IL1RAPL2: variants seen among roughly 807,000 people sequenced by gnomAD.
IL1RAPL2 encodes the protein interleukin 1 receptor accessory protein like 2.
Under a neutral mutation model 44.1 loss-of-function variants are expected in IL1RAPL2, and 3 were observed. That is an observed-to-expected ratio of 0.07 (90% CI 0.03 to 0.18). IL1RAPL2 has a LOEUF of 0.18. Ranked by LOEUF, IL1RAPL2 falls within the 10% of genes least tolerant of loss-of-function variation. The pLI is 1.00. For missense variants in IL1RAPL2, 391 were observed against 496.4 expected, an observed-to-expected ratio of 0.79 and a Z score of 2.02; for synonymous variants, 181 against 178.8, an observed-to-expected ratio of 1.01 and a Z score of -0.10.
At chrX:105,467,905 A>G (rs946844212) in intron 5 of IL1RAPL2, among the ~76,000 whole-genome samples, 1 of 111,583 alleles carries the variant, frequency 9.0e-6, no homozygotes, top group African/African-American at 3.3e-5. Context: ...AAAAACACAG[A>G]TTTCTACTCT....
rs2037829541 is a variant in IL1RAPL2, at chrX:105,672,124, A to G, written c.773-45243A>G. Reference sequence around the variant, plus strand: ...TATTATGACTGTTTAAATAATTGCCACATAATTTTAACATGTCTGTCATCT... The same window carrying G: ...TATTATGACTGTTTAAATAATTGCCGCATAATTTTAACATGTCTGTCATCT... On this transcript the variant is annotated intron_variant, in intron 6 of 10. Coordinates refer to ENST00000372582, the MANE Select transcript of IL1RAPL2 (RefSeq NM_017416.2). Among the ~76,000 whole-genome samples the G allele has an allele frequency of 2.7e-5, 3 of 111,474 alleles. No homozygotes were observed. In the South Asian group the frequency reaches 1.1e-3, roughly 42 times the overall value.
chrX:104,667,477 C>T (rs1420938424), intron 2 of IL1RAPL2, among the ~76,000 whole-genome samples: 1 of 111,262 alleles, frequency 9.0e-6, no homozygotes, highest in African/African-American at 3.3e-5. Flanking sequence ...ACATTGTCTC[C>T]TAATACAAAG....
intron 3 of IL1RAPL2, chrX:105,219,127 T>C: frequency 8.3e-7 from 1 of 1,211,250 alleles, no homozygotes; most frequent in Non-Finnish European, 1.1e-6. Flanking sequence ...TCTTGGGTGC[T>C]CCTGATGGTC....
chrX:105,102,016 T>C (rs1481611858), intron 2 of IL1RAPL2, among the ~76,000 whole-genome samples: 2 of 111,998 alleles, frequency 1.8e-5, no homozygotes, highest in Middle Eastern at 4.6e-3. Flanking sequence ...AAAAATTAAA[T>C]ATTTTAAAAT....
chrX:105,088,324 A>C (rs2147553038), intron 2 of IL1RAPL2, among the ~76,000 whole-genome samples: 1 of 111,986 alleles, frequency 8.9e-6, no homozygotes, highest in East Asian at 2.8e-4. Flanking sequence ...TCACTATAAT[A>C]ATGGAGTGGA....
intron 1 of IL1RAPL2, among the ~76,000 whole-genome samples, chrX:104,650,816 A>G (rs1404036420): frequency 8.9e-6 from 1 of 111,748 alleles, no homozygotes; most frequent in Non-Finnish European, 1.9e-5. Flanking sequence ...TGACTCCCAT[A>G]GCATCTAACT....
chrX:104,813,295 C>T (rs760790869), intron 2 of IL1RAPL2, among the ~76,000 whole-genome samples: 36 of 111,031 alleles, frequency 3.2e-4, no homozygotes, highest in Middle Eastern at 4.7e-3. Context: ...AGGGAAAGAG[C>T]AAGGAATGCC....
intron 2 of IL1RAPL2, among the ~76,000 whole-genome samples, chrX:104,934,436 A>C (rs988182580): frequency 3.6e-5 from 4 of 111,485 alleles, no homozygotes; most frequent in African/African-American, 1.3e-4. Context: ...ACCACAGATG[A>C]TTATTATCAG....
At chrX:104,810,469 A>G (rs1201496437) in intron 2 of IL1RAPL2, among the ~76,000 whole-genome samples, 1 of 111,471 alleles carries the variant, frequency 9.0e-6, no homozygotes, top group Non-Finnish European at 1.9e-5. Context: ...ATTATTTTTG[A>G]GATGAGCATT....
At chrX:104,632,428 T>C (rs1464968681) in intron 1 of IL1RAPL2, among the ~76,000 whole-genome samples, 2 of 111,774 alleles carry the variant, frequency 1.8e-5, no homozygotes, top group Non-Finnish European at 3.8e-5. Flanking sequence ...TAAATTACCT[T>C]GGACAGTGTG....
At chrX:105,330,036 C>T (rs2034973903) in intron 5 of IL1RAPL2, among the ~76,000 whole-genome samples, 1 of 111,317 alleles carries the variant, frequency 9.0e-6, no homozygotes, top group Non-Finnish European at 1.9e-5. Flanking sequence ...GCAGCATTGG[C>T]ATCTCCTGAG....
chrX:104,761,223 A>G (rs1932421706), intron 2 of IL1RAPL2, among the ~76,000 whole-genome samples: 1 of 111,467 alleles, frequency 9.0e-6, no homozygotes, highest in Admixed American at 9.5e-5. Context: ...AGGCCTCAGG[A>G]AACTTACAGT....
intron 2 of IL1RAPL2, among the ~76,000 whole-genome samples, chrX:104,992,432 A>G (rs188731339): frequency 7.2e-5 from 8 of 111,402 alleles, no homozygotes; most frequent in African/African-American, 2.3e-4. Flanking sequence ...TCTCTTCAGA[A>G]TTTTTTAGAA....
intron 9 of IL1RAPL2, among the ~76,000 whole-genome samples, chrX:105,753,409 A>G (rs1165869078): frequency 2.7e-5 from 3 of 111,739 alleles, no homozygotes; most frequent in Non-Finnish European, 3.8e-5. Context: ...ATCAAGAACA[A>G]TGAAATATAT....
intron 8 of IL1RAPL2, among the ~76,000 whole-genome samples, chrX:105,746,212 G>T (rs1164903086): frequency 8.9e-6 from 1 of 111,755 alleles, no homozygotes; most frequent in African/African-American, 3.3e-5. Context: ...TCACAGTGAA[G>T]AAATAGGTGG....
intron 2 of IL1RAPL2, among the ~76,000 whole-genome samples, chrX:105,011,282 C>A (rs1452326592): frequency 9.0e-6 from 1 of 111,210 alleles, no homozygotes; most frequent in Non-Finnish European, 1.9e-5. Context: ...TATTATGATT[C>A]CCCCAGGTTT....
At position 104,611,836 on chromosome X, in the gene IL1RAPL2, CAAAAA is replaced by C. The variant is rs57729757; in HGVS notation, c.-20+44806_-20+44810del. 2.0e-4 allele frequency among the ~76,000 whole-genome samples: 8 copies of C among 39,959 alleles called. No homozygotes were observed. In the South Asian group the frequency reaches 0.012, roughly 62 times the overall value. The allele number at this position is 39,959 out of a possible 115,157, so 34.7% of individuals were successfully genotyped here. ...TGGGCGACAGAGCGAGACTCCATCT[CAAAAA>C]AAAAAAAAAAAAAAAAAAAAGAATT... On this transcript the variant is annotated intron_variant, in intron 1 of 10. Coordinates refer to ENST00000372582, the MANE Select transcript of IL1RAPL2 (RefSeq NM_017416.2).
intron 2 of IL1RAPL2, among the ~76,000 whole-genome samples, chrX:105,165,006 G>A (rs2033360054): frequency 4.5e-5 from 5 of 111,383 alleles, no homozygotes; most frequent in Admixed American, 1.9e-4. Flanking sequence ...CCAGCTCAAT[G>A]TATCTAAACC....
chrX:104,957,705 T>A (rs2029927835), intron 2 of IL1RAPL2, among the ~76,000 whole-genome samples: 1 of 112,174 alleles, frequency 8.9e-6, no homozygotes, highest in Non-Finnish European at 1.9e-5. Context: ...CCTTTGTTAT[T>A]TTCCAAGGGA....
Sources: gnomAD v4.1 joint callset for allele counts (sites outside exome capture counted in the v4.1 genomes callset) on GRCh38, gnomAD v4.1.1 for gene constraint, MANE v1.5 for transcripts, NCBI Gene and HGNC (gene_info 2026-07-23, HGNC 2026-07-21) for gene names.